Variants in RFWD3 observed in about 807,000 individuals in gnomAD.
RFWD3 encodes ring finger and WD repeat domain 3, also known as E3 ubiquitin-protein ligase RFWD3.
Under a neutral mutation model 87.7 loss-of-function variants are expected in RFWD3, and 65 were observed. The observed-to-expected ratio is 0.74, with a 90% confidence interval of 0.61 to 0.91. RFWD3 has a LOEUF of 0.91. Among genes scored for constraint, RFWD3 ranks in the 40% least tolerant of loss-of-function variants. The pLI is 0.00. For synonymous variants in RFWD3, 433 were observed against 352.8 expected (o/e 1.23, Z -2.55); for missense variants, 1,078 against 938.5 (o/e 1.15, Z -1.94).
chr16:74,637,341 T>C (rs1390835636), intron 7 of RFWD3, among the ~76,000 whole-genome samples: 1 of 152,100 alleles, frequency 6.6e-6, no homozygotes, highest in Non-Finnish European at 1.5e-5. Flanking sequence ...AAATTCAGAT[T>C]GTAAGGCCAG....
Position 74,649,134 on chromosome 16 carries a change from G to C in RFWD3, c.790C>G (p.Gln264Glu), listed in dbSNP as rs771430026. 13 of 1,567,460 alleles carry C rather than the reference G, an allele frequency of 8.3e-6. No individual in the cohort carries two copies. The highest frequency in any genetic ancestry group is 4.7e-5 in the South Asian group (4 of 84,332). Reference protein sequence around the residue: ...CIDGGKTLPKQPSPQKSEPLL... With the variant: ...CIDGGKTLPKEPSPQKSEPLL... ...TTTTAAAATGATGTTCATATTACCT[G>C]TTTGGGGAGGGTCTTGCCTCCATCG... Residue 264 changes from glutamine to glutamate, a missense_variant and splice_region_variant, in exon 4 of 13, where the codon CAG becomes GAG. Transcript: ENST00000361070.
chr16:74,638,865 A>C (rs1959379660), intron 6 of RFWD3, among the ~76,000 whole-genome samples: 1 of 152,168 alleles, frequency 6.6e-6, no homozygotes, highest in Non-Finnish European at 1.5e-5. Context: ...ACATTACAGA[A>C]TGTACTTACA....
chr16:74,640,643 TA>T (rs949256608), intron 6 of RFWD3, among the ~76,000 whole-genome samples: 2 of 151,176 alleles, frequency 1.3e-5, no homozygotes, highest in African/African-American at 4.9e-5. Context: ...ACCCTGTCTT[TA>T]AAAAAAATTT....
Position 74,643,972 on chromosome 16 carries a change from C to T in RFWD3, c.1079+390G>A, listed in dbSNP as rs573191834. The T allele has an allele frequency of 6.5e-5, 17 of 263,314 alleles. No individual in the cohort carries two copies. The Admixed American group carries it at 7.3e-4, about 11-fold the overall frequency. 16.3% of individuals were successfully genotyped at this position (263,314 alleles called of 1,614,324 possible). On this transcript the variant is annotated intron_variant, in intron 6 of 12. Coordinates refer to ENST00000361070, the MANE Select transcript of RFWD3 (RefSeq NM_018124.4). ...GATTACAGGCGTGAGCCACCATGCC[C>T]GGCCCTAGCAACTGTTTTGTGCTTC...
At chr16:74,631,078 C>T in intron 9 of RFWD3, 121 bp from the exon 10 acceptor site, 1 of 763,770 alleles carries the variant, frequency 1.3e-6, no homozygotes, top group East Asian at 3.1e-5. Context: ...TACTCCCAAA[C>T]TATCTGGATT....
intron 3 of RFWD3, 38 bp downstream of exon 3, chr16:74,651,882 G>T: frequency 6.3e-7 from 1 of 1,577,830 alleles, no homozygotes. Context: ...CTTCATGGAT[G>T]TTAGCCTTGT....
chr16:74,659,725 C>G (rs775933474), intron 2 of RFWD3, among the ~76,000 whole-genome samples: 59 of 152,318 alleles, frequency 3.9e-4, no homozygotes, highest in Non-Finnish European at 7.2e-4. Flanking sequence ...ACATTAAAAT[C>G]AGCAGGATCC....
At chr16:74,625,694 T>C (rs1490937558) in intron 12 of RFWD3, among the ~76,000 whole-genome samples, 1 of 152,182 alleles carries the variant, frequency 6.6e-6, no homozygotes, top group Non-Finnish European at 1.5e-5. Flanking sequence ...TCCCTGCAAC[T>C]CCAGTCAATG....
At chr16:74,639,527 A>G (rs895470798) in intron 6 of RFWD3, among the ~76,000 whole-genome samples, 13 of 152,258 alleles carry the variant, frequency 8.5e-5, no homozygotes, top group Admixed American at 8.5e-4. Context: ...AAGACACAAG[A>G]AAACAGTGAA....
intron 8 of RFWD3, among the ~76,000 whole-genome samples, chr16:74,633,172 G>A (rs1959155060): frequency 6.6e-6 from 1 of 151,638 alleles, no homozygotes; most frequent in African/African-American, 2.4e-5. Flanking sequence ...AGCTATTCAG[G>A]AGGCTGAGGC....
intron 2 of RFWD3, among the ~76,000 whole-genome samples, chr16:74,658,307 AC>A (rs1961158951): frequency 6.6e-6 from 1 of 152,156 alleles, no homozygotes; most frequent in Admixed American, 6.6e-5. Context: ...ATGAGTGATG[AC>A]CCCCACTGCC....
intron 7 of RFWD3, among the ~76,000 whole-genome samples, chr16:74,637,620 G>C (rs1029870847): frequency 6.6e-6 from 1 of 152,114 alleles, no homozygotes; most frequent in South Asian, 2.1e-4. Flanking sequence ...GTGACAGAGT[G>C]AGACTCTGCC....
chr16:74,664,654 C>G (rs1390439027), intron 1 of RFWD3: 2 of 151,880 alleles, frequency 1.3e-5, no homozygotes, highest in South Asian at 2.1e-4. Context: ...GAGGCTGAGG[C>G]AGGAGAACCC....
chr16:74,632,250 G>C (rs1959122029), intron 9 of RFWD3, among the ~76,000 whole-genome samples: 1 of 152,044 alleles, frequency 6.6e-6, no homozygotes, highest in South Asian at 2.1e-4. Context: ...ATATTAGCCA[G>C]GCATGGTTGC....
chr16:74,663,484 A>G (rs1025144260), intron 1 of RFWD3, among the ~76,000 whole-genome samples: 9 of 152,176 alleles, frequency 5.9e-5, no homozygotes, highest in African/African-American at 2.2e-4. Context: ...CTAAAAAAGC[A>G]GTTTCCCTGA....
chr16:74,641,194 C>T (rs1959613819), intron 6 of RFWD3, among the ~76,000 whole-genome samples: 2 of 151,498 alleles, frequency 1.3e-5, no homozygotes, highest in Admixed American at 1.3e-4. Context: ...CAGAGTTTCG[C>T]CATTGTTGCC....
At chr16:74,664,069 A>G (rs1372841389) in intron 1 of RFWD3, among the ~76,000 whole-genome samples, 1 of 152,214 alleles carries the variant, frequency 6.6e-6, no homozygotes, top group Admixed American at 6.5e-5. Flanking sequence ...AGTACTGAAA[A>G]TAAGTGGGAA....
At chr16:74,659,618 G>C (rs1416666727) in intron 2 of RFWD3, among the ~76,000 whole-genome samples, 1 of 150,694 alleles carries the variant, frequency 6.6e-6, no homozygotes, top group East Asian at 2.0e-4. Context: ...AAAACCCAGA[G>C]TAATATGCAT....
chr16:74,626,402 G>A lies in RFWD3; in HGVS notation c.2122C>T (p.Pro708Ser), dbSNP rs1958932833. The change falls in exon 12 of 13, where the codon CCA (proline) becomes TCA (serine). Residue 708 changes from proline (P) to serine (S), a missense_variant. Coordinates refer to ENST00000361070, the MANE Select transcript of RFWD3 (RefSeq NM_018124.4). Reference sequence around the variant, plus strand: ...ACCAGGATGTTGCCATCATTCTCTGGGCTTTGGAAAATGGCATTTTTGGTC... The same window carrying A: ...ACCAGGATGTTGCCATCATTCTCTGAGCTTTGGAAAATGGCATTTTTGGTC... Reference protein sequence around the residue: ...LLTKNAIFQSPENDGNILVCT... With the variant: ...LLTKNAIFQSSENDGNILVCT... 1 of 1,614,046 alleles carries A rather than the reference G, an allele frequency of 6.2e-7. No individual in the cohort carries two copies. Among genetic ancestry groups the A allele is most frequent in the African/African-American group, 1.3e-5 (1 of 74,908 alleles).
Sources: allele counts gnomAD v4.1 joint callset (sites outside exome capture counted in the v4.1 genomes callset), GRCh38; gene constraint gnomAD v4.1.1; transcripts MANE v1.5; gene names NCBI Gene and HGNC (gene_info 2026-07-23, HGNC 2026-07-21).